The following SLIT3 variants were observed in gnomAD, a reference collection of about 807,000 sequenced individuals.
The protein encoded by SLIT3 is slit guidance ligand 3.
Under a neutral mutation model 184.0 loss-of-function variants are expected in SLIT3, and 68 were observed. The observed-to-expected ratio is 0.37, with a 90% confidence interval of 0.30 to 0.45. The LOEUF is 0.45. Ranked by LOEUF, SLIT3 falls within the 20% of genes least tolerant of loss-of-function variation. The pLI, the probability that SLIT3 is intolerant of heterozygous loss-of-function variation, is 1.00. For missense variants in SLIT3, 1,707 were observed against 2,026.0 expected, an observed-to-expected ratio of 0.84 and a Z score of 3.02; for synonymous variants, 831 against 828.6, an observed-to-expected ratio of 1.00 and a Z score of -0.05.
At chr5:169,021,920 G>A (rs927721544) in intron 4 of SLIT3, among the ~76,000 whole-genome samples, 4 of 150,446 alleles carry the variant, frequency 2.7e-5, no homozygotes, top group Non-Finnish European at 4.4e-5. Flanking sequence ...CTAGACACGT[G>A]TGACTGTGGC....
chr5:168,830,954 G>C (rs1376527011), intron 6 of SLIT3, among the ~76,000 whole-genome samples: 3 of 152,164 alleles, frequency 2.0e-5, no homozygotes. Context: ...CATGGTGTTG[G>C]CCTCACTGCT....
chr5:169,273,135 C>T (rs945260894), intron 1 of SLIT3, among the ~76,000 whole-genome samples: 1 of 152,188 alleles, frequency 6.6e-6, no homozygotes, highest in Non-Finnish European at 1.5e-5. Context: ...TTGCAACAGC[C>T]ATACTACCTG....
Position 168,665,868 on chromosome 5 carries a change from GGGCAT to G in SLIT3, c.*581_*585del, listed in dbSNP as rs1761017873. 1 of 152,134 alleles carries G rather than the reference GGGCAT, an allele frequency of 6.6e-6. No homozygotes were observed. The highest frequency in any genetic ancestry group is 2.4e-5 in the African/African-American group (1 of 41,388). 9.4% of individuals were successfully genotyped at this position (152,134 alleles called of 1,614,324 possible). ...CTCAGCAGCTTTTCCTGGAAGAACT[GGGCAT>G]TTTGGGCACTGACATCCAGGACTCC... On this transcript the variant is annotated 3_prime_UTR_variant, in exon 36 of 36. Transcript: ENST00000519560.
At chr5:169,150,852 C>T (rs1762089992) in intron 4 of SLIT3, among the ~76,000 whole-genome samples, 4 of 152,140 alleles carry the variant, frequency 2.6e-5, no homozygotes, top group African/African-American at 9.7e-5. Flanking sequence ...TCTTAAAAAC[C>T]CACCCTTACA....
At chr5:168,883,519 G>T (rs574701190) in intron 4 of SLIT3, among the ~76,000 whole-genome samples, 183 bp from the exon 5 acceptor site, 2 of 152,234 alleles carry the variant, frequency 1.3e-5, no homozygotes, top group South Asian at 2.1e-4. Flanking sequence ...AGTGATGGCC[G>T]TTGCTGAAAT....
At chr5:169,116,090 C>T (rs1004119813) in intron 4 of SLIT3, among the ~76,000 whole-genome samples, 14 of 152,150 alleles carry the variant, frequency 9.2e-5, no homozygotes, top group Non-Finnish European at 2.1e-4. Context: ...GCTGTCAGGG[C>T]TTCTCTGTGA....
At chr5:169,054,491 C>G (rs1361929399) in intron 4 of SLIT3, among the ~76,000 whole-genome samples, 1 of 152,182 alleles carries the variant, frequency 6.6e-6, no homozygotes, top group African/African-American at 2.4e-5. Context: ...TATTACACCC[C>G]TCTTGTCCAG....
intron 6 of SLIT3, among the ~76,000 whole-genome samples, chr5:168,843,138 C>A (rs563225308): frequency 6.6e-6 from 1 of 152,220 alleles, no homozygotes; most frequent in South Asian, 2.1e-4. Flanking sequence ...CTTTTCTGGA[C>A]CGGGAATTCT....
intron 5 of SLIT3, among the ~76,000 whole-genome samples, chr5:168,878,850 G>T (rs1289930809): frequency 1.3e-5 from 2 of 151,996 alleles, no homozygotes; most frequent in African/African-American, 2.4e-5. Flanking sequence ...GAGTAGCTGG[G>T]ATTATAAGTG....
intron 29 of SLIT3, among the ~76,000 whole-genome samples, chr5:168,691,093 CTTCT>C (rs1230897020): frequency 6.6e-6 from 1 of 152,148 alleles, no homozygotes; most frequent in African/African-American, 2.4e-5. Flanking sequence ...GGGCCTAGAA[CTTCT>C]TTCTTTTCTA....
intron 4 of SLIT3, among the ~76,000 whole-genome samples, chr5:169,070,441 T>C (rs539872659): frequency 8.5e-5 from 13 of 152,306 alleles, no homozygotes; most frequent in Admixed American, 3.3e-4. Context: ...TCACTGACTG[T>C]ATGTTGCAAA....
chr5:169,175,793 G>C (rs1292209972), intron 4 of SLIT3, among the ~76,000 whole-genome samples: 2 of 152,232 alleles, frequency 1.3e-5, no homozygotes, highest in African/African-American at 4.8e-5. Flanking sequence ...GCCTGTTTCT[G>C]AAGCTCAGGG....
intron 1 of SLIT3, among the ~76,000 whole-genome samples, chr5:169,267,132 T>A (rs1225272567): frequency 6.6e-6 from 1 of 152,110 alleles, no homozygotes; most frequent in Non-Finnish European, 1.5e-5. Flanking sequence ...TGATGCTACT[T>A]ATTAGTCCCA....
intron 4 of SLIT3, among the ~76,000 whole-genome samples, chr5:168,985,542 A>G (rs2113369163): frequency 6.6e-6 from 1 of 152,286 alleles, no homozygotes; most frequent in African/African-American, 2.4e-5. Flanking sequence ...TTTTACTGCA[A>G]CAGCCCTCAT....
chr5:168,955,565 T>C (rs1731545356), intron 4 of SLIT3, among the ~76,000 whole-genome samples: 1 of 152,184 alleles, frequency 6.6e-6, no homozygotes, highest in African/African-American at 2.4e-5. Context: ...TCAAACCCCA[T>C]GGCCCTGGTG....
intron 1 of SLIT3, among the ~76,000 whole-genome samples, chr5:169,257,062 T>C (rs889172284): frequency 6.6e-6 from 1 of 152,072 alleles, no homozygotes; most frequent in Non-Finnish European, 1.5e-5. Flanking sequence ...GCTCTATGAA[T>C]GATAATCGTG....
chr5:168,740,401 G>A (rs904402373), intron 20 of SLIT3, among the ~76,000 whole-genome samples: 1 of 152,184 alleles, frequency 6.6e-6, no homozygotes, highest in Non-Finnish European at 1.5e-5. Flanking sequence ...CTCACACTCT[G>A]CCCTTTAGAG....
intron 4 of SLIT3, among the ~76,000 whole-genome samples, chr5:169,038,832 G>T (rs183092725): frequency 6.6e-6 from 1 of 152,270 alleles, no homozygotes; most frequent in East Asian, 1.9e-4. Context: ...AGTACAAAGA[G>T]AATGGCTGTG....
At chr5:168,690,641 T>A (rs1035975213) in intron 29 of SLIT3, among the ~76,000 whole-genome samples, 7 of 152,136 alleles carry the variant, frequency 4.6e-5, no homozygotes, top group African/African-American at 1.7e-4. Context: ...GGGGTGGAAG[T>A]AGGCGGGGAG....
Sources: gnomAD v4.1 joint callset for allele counts (sites outside exome capture counted in the v4.1 genomes callset) on GRCh38, gnomAD v4.1.1 for gene constraint, MANE v1.5 for transcripts, NCBI Gene and HGNC (gene_info 2026-07-23, HGNC 2026-07-21) for gene names.